The following TCF12 variants were observed in gnomAD, a reference collection of about 807,000 sequenced individuals.
TCF12 encodes the protein transcription factor 12, also known as DNA-binding protein HTF4.
A neutral mutation model predicts 86.0 loss-of-function variants in TCF12; 45 were observed. That is an observed-to-expected ratio of 0.52 (90% CI 0.41 to 0.67). The LOEUF (loss-of-function observed/expected upper bound fraction) is 0.67, where lower values mean the gene tolerates loss of function less well. Among genes scored for constraint, TCF12 ranks in the 30% least tolerant of loss-of-function variants. The pLI is 0.00. For missense variants in TCF12, 881 were observed against 859.9 expected, an observed-to-expected ratio of 1.02 and a Z score of -0.31; for synonymous variants, 330 against 299.6, an observed-to-expected ratio of 1.10 and a Z score of -1.05.
chr15:56,955,455 G>A (rs1468121256), intron 3 of TCF12, among the ~76,000 whole-genome samples: 1 of 152,034 alleles, frequency 6.6e-6, no homozygotes, highest in Non-Finnish European at 1.5e-5. Context: ...TAATGTAAAT[G>A]ACCAGTTGAT....
chr15:57,235,466 G>C (rs1477283037), intron 12 of TCF12, among the ~76,000 whole-genome samples: 2 of 152,164 alleles, frequency 1.3e-5, no homozygotes, highest in African/African-American at 4.8e-5. Context: ...TTCAGACTCT[G>C]CTCCTAACCA....
chr15:57,087,858 T>G (rs1224422575), intron 4 of TCF12, among the ~76,000 whole-genome samples: 1 of 152,192 alleles, frequency 6.6e-6, no homozygotes, highest in Non-Finnish European at 1.5e-5. Context: ...AATAGATAAT[T>G]CTGATAGTAT....
intron 3 of TCF12, among the ~76,000 whole-genome samples, chr15:56,982,266 A>G (rs1393748259): frequency 6.6e-6 from 1 of 152,206 alleles, no homozygotes; most frequent in Non-Finnish European, 1.5e-5. Context: ...TCAAAACTCT[A>G]AAGTTTCTTT....
chr15:57,136,142 G>C (rs1432404225), intron 5 of TCF12, among the ~76,000 whole-genome samples: 1 of 152,158 alleles, frequency 6.6e-6, no homozygotes, highest in Non-Finnish European at 1.5e-5. Context: ...CAGTATCCTT[G>C]ATACATTAGG....
intron 13 of TCF12, chr15:57,251,088 AAAG>A: frequency 2.8e-6 from 1 of 362,234 alleles, no homozygotes; most frequent in Non-Finnish European, 5.0e-6. Context: ...GACTAAGTCT[AAAG>A]AATGTGCAAA....
intron 18 of TCF12, among the ~76,000 whole-genome samples, chr15:57,265,829 TAACA>T (rs573109608): frequency 5.9e-5 from 9 of 152,272 alleles, no homozygotes; most frequent in South Asian, 4.1e-4. Flanking sequence ...GGTTTGTTTA[TAACA>T]AACAAAGAGT....
At chr15:57,048,331 G>A (rs1413597638) in intron 3 of TCF12, among the ~76,000 whole-genome samples, 2 of 152,126 alleles carry the variant, frequency 1.3e-5, no homozygotes, top group Middle Eastern at 6.8e-3. Context: ...GCGCGATCTC[G>A]GCTCACTGTA....
intron 5 of TCF12, among the ~76,000 whole-genome samples, chr15:57,132,955 T>A (rs902058648): frequency 8.5e-5 from 13 of 152,220 alleles, no homozygotes; most frequent in African/African-American, 2.9e-4. Flanking sequence ...CAGGAGAATG[T>A]GAGGAAAACA....
intron 5 of TCF12, among the ~76,000 whole-genome samples, chr15:57,120,014 G>T (rs1466879430): frequency 1.3e-5 from 2 of 152,162 alleles, no homozygotes; most frequent in African/African-American, 4.8e-5. Context: ...CATTTAGTTT[G>T]AAGTGTTTTA....
chr15:57,156,362 G>C (rs1217992292), intron 5 of TCF12, among the ~76,000 whole-genome samples: 1 of 152,194 alleles, frequency 6.6e-6, no homozygotes, highest in Non-Finnish European at 1.5e-5. Flanking sequence ...CTGAGGTCTA[G>C]AGAGGTTTAA....
chr15:57,211,192 T>A (rs2058087350), intron 8 of TCF12, among the ~76,000 whole-genome samples: 1 of 152,224 alleles, frequency 6.6e-6, no homozygotes, highest in African/African-American at 2.4e-5. Context: ...ATGACAAAGT[T>A]AGGTAAGAGT....
At chr15:57,174,264 G>A (rs957716261) in intron 6 of TCF12, among the ~76,000 whole-genome samples, 4 of 152,110 alleles carry the variant, frequency 2.6e-5, no homozygotes, top group Non-Finnish European at 5.9e-5. Context: ...TTTAAGATTT[G>A]AAAATCCATG....
intron 3 of TCF12, among the ~76,000 whole-genome samples, chr15:56,975,945 A>G (rs532368673): frequency 8.6e-5 from 13 of 151,794 alleles, no homozygotes; most frequent in Admixed American, 2.0e-4. Flanking sequence ...AGAAGGACTC[A>G]GGGTCCAATT....
chr15:57,286,693 A>G lies in TCF12; in HGVS notation c.*548A>G, dbSNP rs1231906744. The G allele has an allele frequency of 2.2e-6, 1 of 456,334 alleles. No homozygotes were observed. Among genetic ancestry groups the G allele is most frequent in the Admixed American group, 2.4e-5 (1 of 42,490 alleles). 28.3% of individuals were successfully genotyped at this position (456,334 alleles called of 1,614,324 possible). On this transcript the variant is annotated 3_prime_UTR_variant, in exon 21 of 21. Transcript: ENST00000333725. ...TATTAGTGTCTTAAAAAGGAAGGGA[A>G]AAGTCTTTTGTTGCCCTCTCCTATC...
At chr15:57,054,773 C>CTTTTTTTTTTTTT (rs35859330) in intron 3 of TCF12, among the ~76,000 whole-genome samples, 3 of 24,192 alleles carry the variant, frequency 1.2e-4, no homozygotes, top group African/African-American at 2.9e-4. Context: ...AATGCCTCTG[C>CTTTTTTTTTTTTT]TTTTTTTTTT....
intron 18 of TCF12, among the ~76,000 whole-genome samples, chr15:57,268,228 G>A (rs1229729164): frequency 6.6e-6 from 1 of 152,184 alleles, no homozygotes; most frequent in South Asian, 2.1e-4. Context: ...CTGGTAGTGA[G>A]ACCTGGAAAG....
In TCF12 at chr15:57,004,141, G is replaced by C. The variant is rs186850010; in HGVS notation, c.149-59609G>C. ...TTTTTTCATATAATTAATTTTAGCTGTATAATTATTCTCTTCTCTCCTGAG... is the reference window on the plus strand; with the variant it reads ...TTTTTTCATATAATTAATTTTAGCTCTATAATTATTCTCTTCTCTCCTGAG... On this transcript the variant is annotated intron_variant, in intron 3 of 20. Coordinates refer to ENST00000333725, the MANE Select transcript of TCF12 (RefSeq NM_207037.2). Among the ~76,000 whole-genome samples, 5 of 151,598 alleles carry C rather than the reference G, an allele frequency of 3.3e-5. No homozygotes were observed. In the East Asian group the frequency reaches 5.8e-4, roughly 18 times the overall value.
intron 8 of TCF12, among the ~76,000 whole-genome samples, chr15:57,230,892 A>G (rs372706080): frequency 2.0e-5 from 3 of 151,998 alleles, no homozygotes; most frequent in African/African-American, 7.2e-5. Context: ...ACTTGGTGTA[A>G]CTGTCATACC....
chr15:57,049,424 A>G (rs1366745690), intron 3 of TCF12, among the ~76,000 whole-genome samples: 2 of 152,146 alleles, frequency 1.3e-5, no homozygotes, highest in African/African-American at 4.8e-5. Flanking sequence ...CTGTCACCAT[A>G]GATTAGTTTC....
Sources: allele counts gnomAD v4.1 joint callset (sites outside exome capture counted in the v4.1 genomes callset), GRCh38; gene constraint gnomAD v4.1.1; transcripts MANE v1.5; gene names NCBI Gene and HGNC (gene_info 2026-07-23, HGNC 2026-07-21).